Variants in PEAK1 observed in about 807,000 individuals in gnomAD.
The protein encoded by PEAK1 is inactive tyrosine-protein kinase PEAK1.
PEAK1 carries 54 observed loss-of-function variants against 124.7 expected under a neutral mutation model. That is an observed-to-expected ratio of 0.43 (90% CI 0.35 to 0.54). PEAK1 has a LOEUF of 0.54. PEAK1 is among the 20% of genes least tolerant of loss of function. The pLI, the probability that PEAK1 is intolerant of heterozygous loss-of-function variation, is 0.01. For missense variants in PEAK1, 2,046 were observed against 2,134.5 expected (o/e 0.96, Z 0.82); for synonymous variants, 719 against 760.0 (o/e 0.95, Z 0.89).
intron 5 of PEAK1, among the ~76,000 whole-genome samples, chr15:77,261,661 T>A (rs955337622): frequency 2.0e-5 from 3 of 152,104 alleles, no homozygotes; most frequent in East Asian, 3.9e-4. Context: ...ACGGGGAGAA[T>A]GGAACCAACT....
At chr15:77,210,122 T>C (rs368097934) in intron 6 of PEAK1, among the ~76,000 whole-genome samples, 15 of 152,326 alleles carry the variant, frequency 9.8e-5, no homozygotes, top group African/African-American at 3.1e-4. Flanking sequence ...CTAAGTGCTA[T>C]AGCATAAGTG....
intron 2 of PEAK1, among the ~76,000 whole-genome samples, chr15:77,321,176 G>A (rs1371001185): frequency 6.6e-6 from 1 of 152,198 alleles, no homozygotes; most frequent in African/African-American, 2.4e-5. Flanking sequence ...TATATACCCA[G>A]TAATGGGATG....
At chr15:77,379,309 T>C (rs989745301) in intron 1 of PEAK1, among the ~76,000 whole-genome samples, 1 of 152,210 alleles carries the variant, frequency 6.6e-6, no homozygotes, top group Non-Finnish European at 1.5e-5. Flanking sequence ...TGAATTAGCA[T>C]TCTCTATTGA....
At chr15:77,232,976 A>AC in intron 6 of PEAK1, among the ~76,000 whole-genome samples, 1 of 152,078 alleles carries the variant, frequency 6.6e-6, no homozygotes, top group Non-Finnish European at 1.5e-5. Context: ...CGGACTCCTA[A>AC]CCTCAAGTGA....
intron 5 of PEAK1, among the ~76,000 whole-genome samples, chr15:77,256,234 G>C (rs909562553): frequency 2.0e-5 from 3 of 152,238 alleles, no homozygotes; most frequent in East Asian, 3.9e-4. Flanking sequence ...GTGCAGGCTT[G>C]GTAGTAAGAT....
intron 8 of PEAK1, among the ~76,000 whole-genome samples, chr15:77,153,183 T>C (rs2054809554): frequency 6.6e-6 from 1 of 152,212 alleles, no homozygotes; most frequent in Non-Finnish European, 1.5e-5. Flanking sequence ...TATTGGTCTA[T>C]TCAGAGATTC....
chr15:77,360,385 A>G (rs1030622182), intron 2 of PEAK1, among the ~76,000 whole-genome samples: 11 of 152,222 alleles, frequency 7.2e-5, no homozygotes, highest in Non-Finnish European at 1.3e-4. Context: ...GTAAATAAAT[A>G]CTTTTGTGCT....
intron 5 of PEAK1, among the ~76,000 whole-genome samples, chr15:77,259,637 A>C (rs956876523): frequency 6.6e-6 from 1 of 152,202 alleles, no homozygotes; most frequent in Non-Finnish European, 1.5e-5. Context: ...ATGAGGGATT[A>C]AACAGTTCCA....
intron 2 of PEAK1, among the ~76,000 whole-genome samples, chr15:77,316,824 T>C (rs1311380908): frequency 6.6e-6 from 1 of 152,166 alleles, no homozygotes; most frequent in African/African-American, 2.4e-5. Flanking sequence ...ACACCTGTAA[T>C]CCCAGCACTT....
chr15:77,309,673 A>G (rs1033374576), intron 2 of PEAK1, among the ~76,000 whole-genome samples: 1 of 152,110 alleles, frequency 6.6e-6, no homozygotes, highest in Non-Finnish European at 1.5e-5. Context: ...TCCACCAAAA[A>G]AGCCTAAATA....
intron 2 of PEAK1, among the ~76,000 whole-genome samples, chr15:77,358,311 CAGTT>C (rs1484632684): frequency 6.6e-6 from 1 of 152,194 alleles, no homozygotes; most frequent in Non-Finnish European, 1.5e-5. Context: ...CTTCTGTTCA[CAGTT>C]AAACTTCTCA....
chr15:77,211,944 C>T (rs754085021), intron 6 of PEAK1, among the ~76,000 whole-genome samples: 17 of 150,888 alleles, frequency 1.1e-4, no homozygotes, highest in Admixed American at 1.3e-4. Flanking sequence ...ATACTGTTTC[C>T]TTCTCTGGTG....
chr15:77,415,815 C>T (rs2072833820), intron 1 of PEAK1, among the ~76,000 whole-genome samples: 2 of 152,310 alleles, frequency 1.3e-5, no homozygotes, highest in Non-Finnish European at 1.5e-5. Flanking sequence ...CATCCACCAG[C>T]CAGTCTCCCA....
At chr15:77,341,597 A>C (rs1205641251) in intron 2 of PEAK1, among the ~76,000 whole-genome samples, 1 of 152,032 alleles carries the variant, frequency 6.6e-6, no homozygotes. Context: ...TAGCCACACG[A>C]CTGGACTCAA....
In PEAK1 at chr15:77,111,036, C is replaced by T. The variant is rs922327734; in HGVS notation, c.*3120G>A. On this transcript the variant is annotated 3_prime_UTR_variant, in exon 10 of 10. Coordinates refer to ENST00000682557, the MANE Select transcript of PEAK1 (RefSeq NM_001385026.1). ...TTGTGTTTCTCTAGCACCCAAGTGT[C>T]ACAGAGATTGTTCATGCTCATGTGG... The T allele has an allele frequency of 1.1e-4, 17 of 152,204 alleles. No homozygotes were observed. Among genetic ancestry groups the T allele is most frequent in the African/African-American group, 4.1e-4 (17 of 41,450 alleles). The allele number at this position is 152,204 out of a possible 1,614,324, so 9.4% of individuals were successfully genotyped here.
At position 77,355,102 on chromosome 15, in the gene PEAK1, G is replaced by T. The variant is rs1385937884; in HGVS notation, c.-603+10061C>A. On this transcript the variant is annotated intron_variant, in intron 2 of 9. Coordinates refer to ENST00000682557, the MANE Select transcript of PEAK1 (RefSeq NM_001385026.1). ...CTGGCAGGCAAGTGAAAATAAATAA[G>T]AAACACTACCTGCCTCTTCTCTGGA... is the stretch of plus-strand genomic sequence containing the variant. 2.7e-5 allele frequency among the ~76,000 whole-genome samples: 4 copies of T among 150,234 alleles called. No homozygotes were observed. In the East Asian group the frequency reaches 7.7e-4, roughly 29 times the overall value.
At chr15:77,152,899 T>G (rs1277759931) in intron 8 of PEAK1, among the ~76,000 whole-genome samples, 1 of 152,214 alleles carries the variant, frequency 6.6e-6, no homozygotes, top group Non-Finnish European at 1.5e-5. Flanking sequence ...GCCAGTATTT[T>G]ATTGAGGATT....
intron 6 of PEAK1, among the ~76,000 whole-genome samples, chr15:77,196,426 T>C (rs892817042): frequency 6.6e-6 from 1 of 152,214 alleles, no homozygotes. Flanking sequence ...ACTCTTCTAT[T>C]TTATACTATC....
chr15:77,251,298 C>T (rs960396628), intron 6 of PEAK1, among the ~76,000 whole-genome samples: 5 of 152,180 alleles, frequency 3.3e-5, no homozygotes, highest in African/African-American at 4.8e-5. Flanking sequence ...GCTTTCTACA[C>T]TACTTGAAAT....
Sources: gnomAD v4.1 joint callset for allele counts (sites outside exome capture counted in the v4.1 genomes callset) on GRCh38, gnomAD v4.1.1 for gene constraint, MANE v1.5 for transcripts, NCBI Gene and HGNC (gene_info 2026-07-23, HGNC 2026-07-21) for gene names.